USH2A: variants seen among roughly 807,000 people sequenced by gnomAD.
USH2A encodes the protein usherin, also known as Usher syndrome 2A (autosomal recessive, mild).
USH2A carries 443 observed loss-of-function variants against 538.9 expected under a neutral mutation model. That is an observed-to-expected ratio of 0.82 (90% CI 0.76 to 0.89). USH2A has a LOEUF of 0.89. USH2A is among the 40% of genes least tolerant of loss of function. The pLI is 0.00. For synonymous variants in USH2A, 2,413 were observed against 2,273.5 expected, an observed-to-expected ratio of 1.06 and a Z score of -1.75; for missense variants, 6,633 against 6,324.8, an observed-to-expected ratio of 1.05 and a Z score of -1.65.
intron 61 of USH2A, among the ~76,000 whole-genome samples, chr1:215,697,384 C>T (rs1294162869): frequency 6.6e-6 from 1 of 152,174 alleles, no homozygotes; most frequent in African/African-American, 2.4e-5. Flanking sequence ...AGCTTGGTTT[C>T]CAGGTATTCC....
intron 64 of USH2A, among the ~76,000 whole-genome samples, chr1:215,651,252 T>C (rs1657071813): frequency 6.6e-6 from 1 of 152,206 alleles, no homozygotes; most frequent in African/African-American, 2.4e-5. Flanking sequence ...TATGGAACGA[T>C]GTATAATCTT....
At chr1:216,114,314 TTCC>T (rs1416352615) in intron 21 of USH2A, among the ~76,000 whole-genome samples, 13 of 150,998 alleles carry the variant, frequency 8.6e-5, no homozygotes, top group African/African-American at 2.7e-4. Context: ...ATTTCATCTA[TTCC>T]TTTTCAACAG....
chr1:215,866,875 G>T lies in USH2A; in HGVS notation c.8845+132C>A, dbSNP rs573015683. On this transcript the variant is annotated intron_variant, in intron 44 of 71. Coordinates refer to ENST00000307340, the MANE Select transcript of USH2A (RefSeq NM_206933.4). ...TTTTCAATGACAGCCCTGTCAATCT[G>T]CAATTGGTAAAAATTTACCAGTAAC... 9.5e-6 allele frequency: 12 copies of T among 1,266,006 alleles called. No homozygotes were observed. The African/African-American group carries it at 1.5e-4, about 16-fold the overall frequency. 78.4% of individuals were successfully genotyped at this position (1,266,006 alleles called of 1,614,324 possible). A position where few individuals can be genotyped will look rare whatever the true frequency, so the allele number is the denominator to read the frequency against.
intron 21 of USH2A, among the ~76,000 whole-genome samples, chr1:216,105,933 T>C (rs992958731): frequency 1.1e-4 from 17 of 151,806 alleles, no homozygotes; most frequent in Non-Finnish European, 2.2e-4. Context: ...ATTAACATTG[T>C]ATTCTGCAAT....
chr1:216,326,173 G>A (rs1002413484), intron 5 of USH2A, among the ~76,000 whole-genome samples: 2 of 152,164 alleles, frequency 1.3e-5, no homozygotes, highest in South Asian at 2.1e-4. Flanking sequence ...TCATATGGCG[G>A]CTGCCAACAG....
chr1:215,694,598 A>G (rs1658740987), intron 61 of USH2A, among the ~76,000 whole-genome samples: 1 of 152,190 alleles, frequency 6.6e-6, no homozygotes. Flanking sequence ...ACAACCCACA[A>G]GGCATTCAAA....
rs771810761 is a variant in USH2A, at chr1:216,073,275, A to G, written c.5598T>C (p.Val1866=). Residue 1866 remains valine, a synonymous_variant, in exon 28 of 72, where the codon GTT becomes GTC. Coordinates refer to ENST00000307340, the MANE Select transcript of USH2A (RefSeq NM_206933.4). ...TAACGACAGCACCCCGTGTAAATTT[A>G]ACATCCTTCATGCAACCACCGAAAC... ...EQGFGGCMKD[V]KFTRGAVVNL... The G allele has an allele frequency of 1.6e-5, 26 of 1,613,570 alleles. No homozygotes were observed. Among genetic ancestry groups the G allele is most frequent in the Admixed American group, 6.7e-5 (4 of 59,870 alleles).
chr1:215,948,425 G>GATATATATATATATATATATATAT (rs143122492), intron 37 of USH2A, among the ~76,000 whole-genome samples: 1 of 144,552 alleles, frequency 6.9e-6, no homozygotes, highest in Non-Finnish European at 1.5e-5. Context: ...TATTTGTTCA[G>GATATATATATATATATATATATAT]ATATATATAT....
chr1:216,162,178 C>G (rs2034071895), intron 21 of USH2A, among the ~76,000 whole-genome samples: 1 of 151,830 alleles, frequency 6.6e-6, no homozygotes, highest in Non-Finnish European at 1.5e-5. Context: ...CCTCATTGTT[C>G]TTTTTTTCAT....
At chr1:215,983,179 G>A (rs1667790993) in intron 35 of USH2A, among the ~76,000 whole-genome samples, 1 of 152,046 alleles carries the variant, frequency 6.6e-6, no homozygotes, top group South Asian at 2.1e-4. Flanking sequence ...TTGAACTCCT[G>A]ATGAACTCCT....
At chr1:216,286,410 C>G (rs2036885269) in intron 11 of USH2A, among the ~76,000 whole-genome samples, 1 of 152,122 alleles carries the variant, frequency 6.6e-6, no homozygotes. Flanking sequence ...GCCTTCCCAG[C>G]CACGTAGAAT....
In USH2A at chr1:215,962,679, A is replaced by G. The variant is rs74141471; in HGVS notation, c.7120+2638T>C. 8.1e-3 allele frequency among the ~76,000 whole-genome samples: 1,225 copies of G among 152,158 alleles called. 18 individuals are homozygous for G. Among genetic ancestry groups the G allele is most frequent in the African/African-American group, 0.027 (1,126 of 41,516 alleles). On this transcript the variant is annotated intron_variant, in intron 37 of 71. Coordinates refer to ENST00000307340, the MANE Select transcript of USH2A (RefSeq NM_206933.4). Reference sequence around the variant, plus strand: ...TGTATACACACACACACACACACCTATAAGACAAATATTTCTAGAAGGATA... The same window carrying G: ...TGTATACACACACACACACACACCTGTAAGACAAATATTTCTAGAAGGATA...
intron 46 of USH2A, among the ~76,000 whole-genome samples, chr1:215,843,811 G>A (rs1297641508): frequency 6.6e-6 from 1 of 152,044 alleles, no homozygotes; most frequent in African/African-American, 2.4e-5. Flanking sequence ...TGCTAGAGGT[G>A]GCTAGAATGT....
chr1:216,118,342 A>T (rs757771198), intron 21 of USH2A, among the ~76,000 whole-genome samples: 5 of 152,166 alleles, frequency 3.3e-5, no homozygotes, highest in African/African-American at 1.2e-4. Flanking sequence ...CAAAACATAA[A>T]GCTTCTAACT....
chr1:216,311,225 T>C (rs1223858753), intron 9 of USH2A, among the ~76,000 whole-genome samples: 1 of 152,232 alleles, frequency 6.6e-6, no homozygotes, highest in Non-Finnish European at 1.5e-5. Flanking sequence ...TTCAGGAATA[T>C]GTCTCCCTTT....
intron 48 of USH2A, among the ~76,000 whole-genome samples, chr1:215,814,889 G>A (rs1373216713): frequency 6.6e-6 from 1 of 152,146 alleles, no homozygotes; most frequent in Non-Finnish European, 1.5e-5. Flanking sequence ...CTAGAGCTAT[G>A]AAATCCTAGG....
chr1:215,700,917 T>C (rs769197840), intron 61 of USH2A, among the ~76,000 whole-genome samples: 2 of 152,346 alleles, frequency 1.3e-5, no homozygotes, highest in Admixed American at 6.5e-5. Flanking sequence ...TGATTTTAGA[T>C]CTTTCCTGCT....
At chr1:216,127,836 G>A (rs1007763656) in intron 21 of USH2A, among the ~76,000 whole-genome samples, 1 of 152,092 alleles carries the variant, frequency 6.6e-6, no homozygotes, top group African/African-American at 2.4e-5. Flanking sequence ...TTTCCTTGGA[G>A]CCATTATAAA....
chr1:216,012,458 G>A (rs1173790642), intron 32 of USH2A, among the ~76,000 whole-genome samples: 1 of 152,066 alleles, frequency 6.6e-6, no homozygotes, highest in Non-Finnish European at 1.5e-5. Context: ...CACTGGATAA[G>A]TACAGGCCTT....
Sources: gnomAD v4.1 joint callset for allele counts (sites outside exome capture counted in the v4.1 genomes callset) on GRCh38, gnomAD v4.1.1 for gene constraint, MANE v1.5 for transcripts, NCBI Gene and HGNC (gene_info 2026-07-23, HGNC 2026-07-21) for gene names.